ADAMTS17: variants seen among roughly 807,000 people sequenced by gnomAD.
The protein encoded by ADAMTS17 is A disintegrin and metalloproteinase with thrombospondin motifs 17.
ADAMTS17 carries 113 observed loss-of-function variants against 141.5 expected under a neutral mutation model. The observed-to-expected ratio is 0.80, with a 90% CI of 0.69 to 0.93. The LOEUF (loss-of-function observed/expected upper bound fraction) is 0.93, where lower values mean the gene tolerates loss of function less well. ADAMTS17 is among the 40% of genes least tolerant of loss of function. ADAMTS17 has a pLI of 0.00. For synonymous variants in ADAMTS17, 768 were observed against 630.6 expected (o/e 1.22, Z -3.27); for missense variants, 1,659 against 1,517.9 (o/e 1.09, Z -1.54).
rs1367202594 is a variant in ADAMTS17 at position 99,997,346 on chromosome 15, C to A, written c.2796+39G>T. ...CAATACCATGGCACCGTGTTGGAGT[C>A]CCTGTGGCTGAGTCCTGGTGGCAAG... On this transcript the variant is annotated intron_variant, in intron 19 of 21. Coordinates refer to ENST00000268070, the MANE Select transcript of ADAMTS17 (RefSeq NM_139057.4). This position sits in a 1 kb window ranked among gnomAD's most constrained non-coding sequence, Gnocchi z 4.7. 6.2e-7 allele frequency: 1 copy of A among 1,610,734 alleles called. No homozygotes were observed. Among genetic ancestry groups the A allele is most frequent in the African/African-American group, 1.3e-5 (1 of 74,904 alleles).
rs549137216 is a variant in ADAMTS17, at chr15:100,305,514, C to G, written c.617-24113G>C. On this transcript the variant is annotated intron_variant, in intron 3 of 21. Coordinates refer to ENST00000268070, the MANE Select transcript of ADAMTS17 (RefSeq NM_139057.4). ...CAAGGCCCCCTAGATGGCCCTGGTT[C>G]ACGTCCCATCTCAGATCAGCTGCTA... Among the ~76,000 whole-genome samples, 4 of 152,348 alleles carry G rather than the reference C, an allele frequency of 2.6e-5. No individual in the cohort carries two copies. In the South Asian group the frequency reaches 8.3e-4, roughly 32 times the overall value.
At position 100,261,786 on chromosome 15, in the gene ADAMTS17, G is replaced by C. The variant is rs893088920; in HGVS notation, c.874-150C>G. The C allele has an allele frequency of 1.1e-5, 9 of 846,810 alleles. No individual in the cohort carries two copies. The African/African-American group carries it at 1.3e-4, about 13-fold the overall frequency. The allele number at this position is 846,810 out of a possible 1,614,324, so 52.5% of individuals were successfully genotyped here. The stretch of plus-strand genomic sequence containing the variant: ...GCCCTCGAAGAAAAGCCTGATGCTA[G>C]TGGGTACGTGGCATAGATCCAGAGA... On this transcript the variant is annotated intron_variant, in intron 5 of 21. Transcript: ENST00000268070.
At chr15:100,069,965 C>A (rs577532195) in intron 15 of ADAMTS17, among the ~76,000 whole-genome samples, 1 of 150,328 alleles carries the variant, frequency 6.7e-6, no homozygotes, top group East Asian at 1.9e-4. Flanking sequence ...GATAAAGAGT[C>A]AAGACCCATC....
In ADAMTS17 at chr15:100,122,658, T is replaced by C. The variant is rs1003070211; in HGVS notation, c.1722-5645A>G. On this transcript the variant is annotated intron_variant, in intron 12 of 21. Coordinates refer to ENST00000268070, the MANE Select transcript of ADAMTS17 (RefSeq NM_139057.4). Reference sequence around the variant, plus strand: ...CTGATCACATAATTAACATGTTTTGTAGGTTATATGTGTTTTATACTATAT... The same window carrying C: ...CTGATCACATAATTAACATGTTTTGCAGGTTATATGTGTTTTATACTATAT... 8.5e-5 allele frequency among the ~76,000 whole-genome samples: 13 copies of C among 152,304 alleles called. No individual in the cohort carries two copies. The South Asian group carries it at 2.1e-3, about 24-fold the overall frequency.
At chr15:100,064,002 G>A (rs1596328801) in intron 15 of ADAMTS17, among the ~76,000 whole-genome samples, 1 of 152,182 alleles carries the variant, frequency 6.6e-6, no homozygotes, top group African/African-American at 2.4e-5. Context: ...GTATGTTGAA[G>A]TTCTAACTGG....
intron 15 of ADAMTS17, chr15:100,063,627 T>C: frequency 7.8e-7 from 1 of 1,282,290 alleles, no homozygotes; most frequent in Non-Finnish European, 1.0e-6. Flanking sequence ...AGACTGATCA[T>C]CAAAATCGAT....
In ADAMTS17 at chr15:100,090,764, T is replaced by C. The variant is rs555883945; in HGVS notation, c.2137+5592A>G. Among the ~76,000 whole-genome samples the C allele has an allele frequency of 1.3e-4, 20 of 152,090 alleles. No homozygotes were observed. The South Asian group carries it at 3.3e-3, about 25-fold the overall frequency. On this transcript the variant is annotated intron_variant, in intron 15 of 21. Coordinates refer to ENST00000268070, the MANE Select transcript of ADAMTS17 (RefSeq NM_139057.4). Reference sequence around the variant, plus strand: ...GGCTCACGCCTGTAATTCCAGCACTTTGGGAGGCTGAGGCGGGTGGATCAT... The same window carrying C: ...GGCTCACGCCTGTAATTCCAGCACTCTGGGAGGCTGAGGCGGGTGGATCAT...
chr15:100,113,761 C>A (rs558047916), intron 13 of ADAMTS17, among the ~76,000 whole-genome samples: 3 of 152,186 alleles, frequency 2.0e-5, no homozygotes, highest in Non-Finnish European at 4.4e-5. Context: ...GCTGGCTTGG[C>A]GGAGCTGTCG....
intron 18 of ADAMTS17, among the ~76,000 whole-genome samples, chr15:100,041,231 T>G (rs1029651477): frequency 6.6e-6 from 1 of 152,262 alleles, no homozygotes; most frequent in African/African-American, 2.4e-5. Flanking sequence ...TCAATTCAAT[T>G]GCCAGTAAGA....
At chr15:99,979,813 T>C (rs180806741) in intron 20 of ADAMTS17, 22 of 152,314 alleles carry the variant, frequency 1.4e-4, no homozygotes, top group African/African-American at 4.8e-4. Context: ...ATTTCTAAAT[T>C]TGAATGTTTA....
At chr15:100,099,560 T>G (rs2141035973) in intron 14 of ADAMTS17, among the ~76,000 whole-genome samples, 1 of 152,364 alleles carries the variant, frequency 6.6e-6, no homozygotes. Context: ...CATGTTATCC[T>G]GGTGATCCTT....
At chr15:100,313,553 T>C (rs2045469019) in intron 3 of ADAMTS17, among the ~76,000 whole-genome samples, 1 of 152,206 alleles carries the variant, frequency 6.6e-6, no homozygotes, top group Admixed American at 6.5e-5. Flanking sequence ...AGAATGAATA[T>C]TCATGAGGTA....
At chr15:100,199,996 CA>C (rs1402330545) in intron 7 of ADAMTS17, among the ~76,000 whole-genome samples, 3 of 152,238 alleles carry the variant, frequency 2.0e-5, no homozygotes, top group Non-Finnish European at 4.4e-5. Flanking sequence ...GAAGGCTGCA[CA>C]GAATGTTCTG....
intron 7 of ADAMTS17, among the ~76,000 whole-genome samples, chr15:100,223,560 G>A (rs1159808610): frequency 6.6e-6 from 1 of 152,076 alleles, no homozygotes; most frequent in African/African-American, 2.4e-5. Context: ...GACTCACTCT[G>A]AGAAGAGGAG....
At chr15:100,330,807 T>G in intron 3 of ADAMTS17, 82 bp downstream of exon 3, 1 of 1,558,012 alleles carries the variant, frequency 6.4e-7, no homozygotes, top group South Asian at 1.2e-5. Context: ...CTCACTCATG[T>G]GGCTTCAGTG....
At chr15:100,234,918 C>G (rs531419546) in intron 7 of ADAMTS17, among the ~76,000 whole-genome samples, 2 of 152,312 alleles carry the variant, frequency 1.3e-5, no homozygotes, top group South Asian at 4.1e-4. Flanking sequence ...TAGAAAATAT[C>G]TGGAATATTG....
chr15:100,300,102 G>A (rs1008646805), intron 3 of ADAMTS17, among the ~76,000 whole-genome samples: 2 of 152,132 alleles, frequency 1.3e-5, no homozygotes, highest in African/African-American at 4.8e-5. Flanking sequence ...GCCCTGTAGG[G>A]CTCTGGAGTC....
chr15:100,149,809 A>G (rs1448911824), intron 10 of ADAMTS17, among the ~76,000 whole-genome samples: 7 of 152,192 alleles, frequency 4.6e-5, no homozygotes, highest in African/African-American at 1.4e-4. Flanking sequence ...AAATTCTTTC[A>G]GTGCTAGTTC....
intron 15 of ADAMTS17, among the ~76,000 whole-genome samples, chr15:100,067,498 C>A (rs1240807322): frequency 6.6e-6 from 1 of 152,196 alleles, no homozygotes; most frequent in Admixed American, 6.5e-5. Flanking sequence ...CGTCTAAGAA[C>A]TATTAGACTA....
Sources: allele counts gnomAD v4.1 joint callset (sites outside exome capture counted in the v4.1 genomes callset), GRCh38; gene constraint gnomAD v4.1.1; non-coding constraint Gnocchi (gnomAD v3.1); transcripts MANE v1.5; gene names NCBI Gene and HGNC (gene_info 2026-07-23, HGNC 2026-07-21).